Variants in ABTB2 observed in about 807,000 individuals in gnomAD.
The protein encoded by ABTB2 is ankyrin repeat and BTB/POZ domain-containing protein 2.
A neutral mutation model predicts 104.1 loss-of-function variants in ABTB2; 56 were observed. The observed-to-expected ratio is 0.54, with a 90% CI of 0.43 to 0.67. ABTB2 has a LOEUF of 0.67. ABTB2 is among the 30% of genes least tolerant of loss of function. The probability of loss-of-function intolerance (pLI) is 0.00; values close to 1 mark genes in which losing one functional copy is unlikely to be tolerated. For synonymous variants in ABTB2, 606 were observed against 608.2 expected (o/e 1.00, Z 0.05); for missense variants, 1,279 against 1,407.7 (o/e 0.91, Z 1.46).
Position 34,267,326 on chromosome 11 carries a change from T to A in ABTB2, c.884-62636A>T, listed in dbSNP as rs146819661. ...ACTCAACTGGCCAGGAACACCCCAC[T>A]GGGGCTCAGTCTTGCTGACTTTCTG... On this transcript the variant is annotated intron_variant, in intron 1 of 16. Coordinates refer to ENST00000435224, the MANE Select transcript of ABTB2 (RefSeq NM_145804.3). Among the ~76,000 whole-genome samples the A allele has an allele frequency of 6.0e-4, 91 of 152,240 alleles. 3 individuals are homozygous for A. The East Asian group carries it at 0.016, about 27-fold the overall frequency.
rs534669379 is a variant in ABTB2 at position 34,340,971 on chromosome 11, TAGG to T, written c.883+15727_883+15729del. 2.6e-4 allele frequency among the ~76,000 whole-genome samples: 39 copies of T among 152,168 alleles called. No homozygotes were observed. In the South Asian group the frequency reaches 7.5e-3, roughly 29 times the overall value. On this transcript the variant is annotated intron_variant, in intron 1 of 16. Transcript: ENST00000435224. ...AACCCAAGCCTAGGAATATCAACAG[TAGG>T]AACAGTGGCAGTGATGGTAGCAATA...
intron 1 of ABTB2, among the ~76,000 whole-genome samples, chr11:34,274,538 C>T (rs1854359332): frequency 6.7e-6 from 1 of 150,200 alleles, no homozygotes; most frequent in Middle Eastern, 3.6e-3. Flanking sequence ...TGCATCCCTG[C>T]GTTAAGTAGT....
intron 2 of ABTB2, among the ~76,000 whole-genome samples, chr11:34,197,970 G>A (rs904859858): frequency 2.6e-5 from 4 of 152,090 alleles, no homozygotes; most frequent in Non-Finnish European, 4.4e-5. Flanking sequence ...GTATTTCAGC[G>A]GAGAAGGTCC....
At chr11:34,289,250 G>A (rs1854538038) in intron 1 of ABTB2, among the ~76,000 whole-genome samples, 1 of 152,120 alleles carries the variant, frequency 6.6e-6, no homozygotes, top group Non-Finnish European at 1.5e-5. Context: ...TCCATATTTA[G>A]AATCTGATGA....
chr11:34,250,057 T>C (rs1854037438), intron 1 of ABTB2, among the ~76,000 whole-genome samples: 1 of 152,046 alleles, frequency 6.6e-6, no homozygotes, highest in Non-Finnish European at 1.5e-5. Context: ...CAAAGATTGA[T>C]AGGAGTTGGG....
chr11:34,337,878 A>G (rs1156977704), intron 1 of ABTB2, among the ~76,000 whole-genome samples: 1 of 151,920 alleles, frequency 6.6e-6, no homozygotes, highest in Non-Finnish European at 1.5e-5. Context: ...ACCTCCCCCT[A>G]CTCAAATCAC....
rs977588224 is a variant in ABTB2, at chr11:34,152,259, G to A, written c.*128C>T. On this transcript the variant is annotated 3_prime_UTR_variant, in exon 17 of 17. Transcript: ENST00000435224. ...AGGGTGAGCTGCCCGGTGACAGGGG[G>A]GACATCTGGGGGAGGAGGAGGAAAC... The A allele has an allele frequency of 9.8e-7, 1 of 1,024,790 alleles. No individual in the cohort carries two copies. The highest frequency in any genetic ancestry group is 1.4e-6 in the Non-Finnish European group (1 of 713,846). The allele number at this position is 1,024,790 out of a possible 1,614,324, so 63.5% of individuals were successfully genotyped here.
chr11:34,286,225 A>T (rs1854502480), intron 1 of ABTB2, among the ~76,000 whole-genome samples: 2 of 151,860 alleles, frequency 1.3e-5, no homozygotes, highest in Non-Finnish European at 2.9e-5. Flanking sequence ...TGGGAGGCAG[A>T]GGCAGGAGGA....
At chr11:34,184,552 C>A (rs886393631) in intron 3 of ABTB2, among the ~76,000 whole-genome samples, 1 of 152,192 alleles carries the variant, frequency 6.6e-6, no homozygotes, top group African/African-American at 2.4e-5. Flanking sequence ...GTGGAGACTG[C>A]GCATGGGCCT....
chr11:34,195,075 C>CGGGGGGGGGGGGGGGG (rs1461939590), intron 3 of ABTB2, among the ~76,000 whole-genome samples: 2 of 18,050 alleles, frequency 1.1e-4, no homozygotes, highest in South Asian at 2.0e-3. Context: ...AGATGCCCGG[C>CGGGGGGGGGGGGGGGG]GGGGGGGGGG....
chr11:34,160,951 C>A lies in ABTB2; in HGVS notation c.2349G>T (p.Leu783=), dbSNP rs746912210. 1.2e-6 allele frequency: 2 copies of A among 1,613,286 alleles called. No individual in the cohort carries two copies. Among genetic ancestry groups the A allele is most frequent in the Non-Finnish European group, 1.7e-6 (2 of 1,179,564 alleles). Residue 783 remains leucine, a synonymous_variant, in exon 11 of 17, where the codon CTG becomes CTT. Coordinates refer to ENST00000435224, the MANE Select transcript of ABTB2 (RefSeq NM_145804.3). ...ACATGAGCTGCAAGCCCTCGGTCAC[C>A]AGCTCCTCGTTGTACTCCTCCTCTC... ...SIREEEYNEE[L]VTEGLQLMFD...
At chr11:34,171,147 A>C in intron 4 of ABTB2, 76 bp from the exon 5 acceptor site, 1 of 1,511,012 alleles carries the variant, frequency 6.6e-7, no homozygotes, top group South Asian at 1.3e-5. Context: ...CACATGTGTG[A>C]GCTTTACGTG....
chr11:34,251,659 T>C (rs1009295106), intron 1 of ABTB2, among the ~76,000 whole-genome samples: 8 of 152,224 alleles, frequency 5.3e-5, no homozygotes, highest in Admixed American at 3.3e-4. Flanking sequence ...AACTTTTTTT[T>C]ATTTGCTGGG....
At chr11:34,231,623 T>A (rs952152661) in intron 1 of ABTB2, among the ~76,000 whole-genome samples, 1 of 152,128 alleles carries the variant, frequency 6.6e-6, no homozygotes, top group African/African-American at 2.4e-5. Context: ...CAGGCTGGAG[T>A]GCAATGGCGC....
At chr11:34,253,411 C>A (rs746938924) in intron 1 of ABTB2, among the ~76,000 whole-genome samples, 8 of 152,218 alleles carry the variant, frequency 5.3e-5, no homozygotes, top group Non-Finnish European at 1.2e-4. Context: ...GGCACAGTGG[C>A]TCATGCCTGT....
At chr11:34,282,701 T>C (rs1178205406) in intron 1 of ABTB2, among the ~76,000 whole-genome samples, 2 of 151,722 alleles carry the variant, frequency 1.3e-5, no homozygotes, top group Non-Finnish European at 1.5e-5. Flanking sequence ...TAATTTTTTT[T>C]TCTTTTTTTT....
intron 1 of ABTB2, among the ~76,000 whole-genome samples, chr11:34,347,651 A>G (rs1268209929): frequency 1.3e-5 from 2 of 152,222 alleles, no homozygotes; most frequent in African/African-American, 4.8e-5. Context: ...TTTTATTATT[A>G]TCAGCAGAAT....
chr11:34,157,061 G>A (rs1302951986), intron 14 of ABTB2, among the ~76,000 whole-genome samples: 2 of 152,152 alleles, frequency 1.3e-5, no homozygotes, highest in African/African-American at 2.4e-5. Context: ...CACCCCGCCT[G>A]CATGAGAGTC....
chr11:34,330,903 G>C (rs1379298184), intron 1 of ABTB2, among the ~76,000 whole-genome samples: 1 of 152,224 alleles, frequency 6.6e-6, no homozygotes, highest in Non-Finnish European at 1.5e-5. Flanking sequence ...CAAAAGTACA[G>C]GTAAGATCCC....
Sources: allele counts gnomAD v4.1 joint callset (sites outside exome capture counted in the v4.1 genomes callset), GRCh38; gene constraint gnomAD v4.1.1; transcripts MANE v1.5; gene names NCBI Gene and HGNC (gene_info 2026-07-23, HGNC 2026-07-21).